The following SYNPO variants were observed in gnomAD, a reference collection of about 807,000 sequenced individuals.
The protein encoded by SYNPO is synaptopodin.
In SYNPO, 19 loss-of-function variants were observed where a neutral mutation model predicts 49.5. The ratio of observed to expected loss-of-function variants is 0.38; its 90% CI spans 0.27 to 0.56. The LOEUF is 0.56. Among genes scored for constraint, SYNPO ranks in the 20% least tolerant of loss-of-function variants. The pLI, the probability that SYNPO is intolerant of heterozygous loss-of-function variation, is 0.68. For missense variants in SYNPO, 1,131 were observed against 1,248.3 expected (o/e 0.91, Z 1.42); for synonymous variants, 536 against 548.0 (o/e 0.98, Z 0.31).
chr5:150,656,444 C>T lies in SYNPO; in HGVS notation c.2069C>T (p.Pro690Leu), dbSNP rs1344822772. Residue 690 changes from proline (P) to leucine (L), a missense_variant, in exon 3 of 3, where the codon CCG (proline) becomes CTG (leucine). Pro to Leu is a moderately conservative substitution (Grantham distance 98, BLOSUM62 -3). This residue lies in a region of SYNPO where 509 missense variants were observed against 484.5 expected (regional missense o/e 1.05). Transcript: ENST00000307662. ...ESLPTSPPWT[P>L]GASRPPSSLD... ...CTGCCCACCTCCCCACCCTGGACGC[C>T]GGGCGCGTCCCGGCCCCCCAGCAGC... 8 of 1,531,956 alleles carry T rather than the reference C, an allele frequency of 5.2e-6. No homozygotes were observed. The Admixed American group carries it at 1.6e-4, about 30-fold the overall frequency. 94.9% of individuals were successfully genotyped at this position (1,531,956 alleles called of 1,614,324 possible).
At chr5:150,609,900 C>G (rs1016926381) in intron 1 of SYNPO, among the ~76,000 whole-genome samples, 2 of 152,158 alleles carry the variant, frequency 1.3e-5, no homozygotes, top group Non-Finnish European at 2.9e-5. Flanking sequence ...CCCCCATTTT[C>G]TGGTGTGGCC....
At chr5:150,597,505 T>C (rs899526179), upstream of SYNPO, among the ~76,000 whole-genome samples, 1 of 151,844 alleles carries the variant, frequency 6.6e-6, no homozygotes, top group Non-Finnish European at 1.5e-5. Context: ...CTAATTTTTT[T>C]ATATTTTTAG....
Position 150,648,115 on chromosome 5 carries a change from A to G in SYNPO, c.-161A>G, listed in dbSNP as rs1322498782. 23 of 1,551,856 alleles carry G rather than the reference A, an allele frequency of 1.5e-5. No homozygotes were observed. In the East Asian group the frequency reaches 5.6e-4, roughly 38 times the overall value. On this transcript the variant is annotated 5_prime_UTR_variant, in exon 2 of 3. Transcript: ENST00000307662. This position sits in a 1 kb window ranked among gnomAD's most constrained non-coding sequence, Gnocchi z 5.0. ...GAGTTCACCTTGGAGAGCCACGGCC[A>G]GAGGGGACAGAAGCCCAGCCAGGAG...
chr5:150,603,888 C>G (rs1756619980), intron 1 of SYNPO, among the ~76,000 whole-genome samples: 1 of 152,198 alleles, frequency 6.6e-6, no homozygotes, highest in African/African-American at 2.4e-5. Context: ...TAGGATGAAA[C>G]AAAATGCTAT....
intron 1 of SYNPO, 94 bp from the exon 2 acceptor site, chr5:150,647,850 G>A: frequency 8.7e-7 from 1 of 1,145,796 alleles, no homozygotes; most frequent in East Asian, 2.6e-5. Context: ...GTGTAGGAAG[G>A]GCCGAGGCGA....
At chr5:150,611,134 T>C (rs1037277175) in intron 1 of SYNPO, among the ~76,000 whole-genome samples, 11 of 152,206 alleles carry the variant, frequency 7.2e-5, no homozygotes, top group Admixed American at 5.2e-4. Flanking sequence ...CACGTAGCAC[T>C]CCCAGGCCGC....
At chr5:150,640,027 C>T (rs1757844186), upstream of SYNPO, 1 of 636,082 alleles carries the variant, frequency 1.6e-6, no homozygotes, top group Non-Finnish European at 2.0e-6. Flanking sequence ...AGTTGCTGCA[C>T]CCCTCTGAGC....
At chr5:150,604,578 T>G (rs1202245530) in intron 1 of SYNPO, among the ~76,000 whole-genome samples, 2 of 152,168 alleles carry the variant, frequency 1.3e-5, no homozygotes, top group African/African-American at 2.4e-5. Context: ...GAGGAAAAAC[T>G]GAAGGTAGCT....
At chr5:150,626,123 G>C (rs1427027689) in intron 2 of SYNPO, among the ~76,000 whole-genome samples, 1 of 144,914 alleles carries the variant, frequency 6.9e-6, no homozygotes, top group Non-Finnish European at 1.5e-5. Context: ...GGGGTTGGAA[G>C]CCTTACTGGC....
At chr5:150,612,605 G>C (rs919455512) in intron 1 of SYNPO, among the ~76,000 whole-genome samples, 2 of 152,230 alleles carry the variant, frequency 1.3e-5, no homozygotes, top group South Asian at 4.1e-4. Flanking sequence ...GCAAGTCATC[G>C]CAGCTCCATT....
chr5:150,621,088 G>T (rs1449228438), intron 2 of SYNPO, among the ~76,000 whole-genome samples: 1 of 151,712 alleles, frequency 6.6e-6, no homozygotes, highest in Non-Finnish European at 1.5e-5. Context: ...AAGTAGCTGG[G>T]ATTACAGGTG....
chr5:150,605,303 G>A (rs1041162693), intron 1 of SYNPO, among the ~76,000 whole-genome samples: 1 of 152,182 alleles, frequency 6.6e-6, no homozygotes, highest in African/African-American at 2.4e-5. Context: ...TTCTTGGAAT[G>A]TTCTCCCTGA....
intron 1 of SYNPO, among the ~76,000 whole-genome samples, chr5:150,605,573 C>T (rs1756669245): frequency 3.3e-5 from 5 of 152,062 alleles, no homozygotes; most frequent in Admixed American, 3.3e-4. Context: ...GCCTCCTTCC[C>T]AGCTTCACTG....
chr5:150,618,487 C>A, exon 2 of SYNPO: 1 of 1,551,498 alleles, frequency 6.4e-7, no homozygotes. Flanking sequence ...CCGAGGAGAG[C>A]AGCGGTGAGG....
chr5:150,650,342 AC>A (rs780315876), intron 2 of SYNPO, 39 bp downstream of exon 2: 4 of 1,613,078 alleles, frequency 2.5e-6, no homozygotes, highest in Non-Finnish European at 3.4e-6. Context: ...AACGAACCCC[AC>A]GGGGGTCCCA....
chr5:150,610,670 C>T (rs371916590), intron 1 of SYNPO, among the ~76,000 whole-genome samples: 3 of 152,116 alleles, frequency 2.0e-5, no homozygotes, highest in African/African-American at 7.2e-5. Context: ...ACACAGGTTA[C>T]CTTATTTAAT....
intron 2 of SYNPO, chr5:150,651,864 GCCC>G: frequency 1.0e-6 from 1 of 1,000,478 alleles, no homozygotes; most frequent in Non-Finnish European, 1.2e-6. Flanking sequence ...ATATGATACA[GCCC>G]CCGACCAAAC....
chr5:150,635,834 C>T (rs1042582205), upstream of SYNPO, among the ~76,000 whole-genome samples: 1 of 152,212 alleles, frequency 6.6e-6, no homozygotes. Context: ...TATGAGCCTG[C>T]CTCAGGACCT....
At chr5:150,597,238 A>G (rs1756441709), upstream of SYNPO, among the ~76,000 whole-genome samples, 1 of 152,226 alleles carries the variant, frequency 6.6e-6, no homozygotes, top group Non-Finnish European at 1.5e-5. Context: ...CACCATCAAC[A>G]TACACAGGAG....
Sources: allele counts gnomAD v4.1 joint callset (sites outside exome capture counted in the v4.1 genomes callset), GRCh38; gene constraint gnomAD v4.1.1; regional missense constraint gnomAD v4.1.1; non-coding constraint Gnocchi (gnomAD v3.1); transcripts MANE v1.5; gene names NCBI Gene and HGNC (gene_info 2026-07-23, HGNC 2026-07-21).